GNAL: variants seen among roughly 807,000 people sequenced by gnomAD.
GNAL encodes the protein guanine nucleotide-binding protein G(olf) subunit alpha.
Under a neutral mutation model 55.1 loss-of-function variants are expected in GNAL, and 18 were observed. The observed-to-expected ratio is 0.33, with a 90% CI of 0.23 to 0.48. GNAL has a LOEUF of 0.48. GNAL is among the 20% of genes least tolerant of loss of function. GNAL has a pLI of 0.99. For synonymous variants in GNAL, 253 were observed against 237.0 expected (o/e 1.07, Z -0.62); for missense variants, 412 against 614.1 (o/e 0.67, Z 3.48).
At position 11,764,375 on chromosome 18, in the gene GNAL, G is replaced by A. The variant is rs534623473; in HGVS notation, c.624+10430G>A. Among the ~76,000 whole-genome samples the A allele has an allele frequency of 3.3e-5, 5 of 152,220 alleles. No homozygotes were observed. The East Asian group carries it at 9.7e-4, about 29-fold the overall frequency. ...GCCCACCTTGACCTCCCAAGGTGTTGGGATTACAGGCGTGAGCCACCATGC... is the reference window on the plus strand; with the variant it reads ...GCCCACCTTGACCTCCCAAGGTGTTAGGATTACAGGCGTGAGCCACCATGC... On this transcript the variant is annotated intron_variant, in intron 4 of 11. Transcript: ENST00000334049.
rs62097398 is a variant in GNAL at position 11,882,366 on chromosome 18, G to C, written c.*1231G>C. On this transcript the variant is annotated 3_prime_UTR_variant, in exon 12 of 12. Transcript: ENST00000334049. ...AGTCAAAACTTTGGACACAGGCTAC[G>C]TCATACAAGTAAGCAAACAGTAAGA... The C allele has an allele frequency of 1.3e-5, 2 of 152,132 alleles. No homozygotes were observed. Among genetic ancestry groups the C allele is most frequent in the African/African-American group, 4.8e-5 (2 of 41,426 alleles). 9.4% of individuals were successfully genotyped at this position (152,132 alleles called of 1,614,324 possible). A position where few individuals can be genotyped will look rare whatever the true frequency, so the allele number is the denominator to read the frequency against.
In GNAL at chr18:11,777,674, A is replaced by G. The variant is rs188764502; in HGVS notation, c.624+23729A>G. On this transcript the variant is annotated intron_variant, in intron 4 of 11. Coordinates refer to ENST00000334049, the MANE Select transcript of GNAL (RefSeq NM_182978.4). ...TGCCTTTCTTCATGCTCTTCTTAGC[A>G]AGTTGTTTAGTCAAAATCAAGTAGG... 2.0e-5 allele frequency among the ~76,000 whole-genome samples: 3 copies of G among 152,314 alleles called. No individual in the cohort carries two copies. In the East Asian group the frequency reaches 5.8e-4, roughly 29 times the overall value.
intron 5 of GNAL, chr18:11,857,550 G>T: frequency 1.0e-6 from 1 of 985,390 alleles, no homozygotes. Context: ...GAGAAATGAT[G>T]GTTCAGGCAG....
chr18:11,791,833 AG>A (rs1195453024), intron 4 of GNAL, among the ~76,000 whole-genome samples: 1 of 152,132 alleles, frequency 6.6e-6, no homozygotes, highest in Non-Finnish European at 1.5e-5. Flanking sequence ...GCAGTGATCC[AG>A]GTGTGCCGAG....
At chr18:11,707,638 G>C (rs2031744116) in intron 1 of GNAL, among the ~76,000 whole-genome samples, 1 of 152,194 alleles carries the variant, frequency 6.6e-6, no homozygotes, top group Non-Finnish European at 1.5e-5. Flanking sequence ...CACCTAACAA[G>C]AAGTCAGCCT....
intron 4 of GNAL, among the ~76,000 whole-genome samples, chr18:11,779,243 A>G (rs566447850): frequency 6.6e-6 from 1 of 152,340 alleles, no homozygotes; most frequent in South Asian, 2.1e-4. Flanking sequence ...GCATTCTCGT[A>G]TACCAAATCT....
intron 4 of GNAL, among the ~76,000 whole-genome samples, chr18:11,786,447 T>C (rs1296679077): frequency 1.7e-5 from 2 of 114,986 alleles, no homozygotes; most frequent in African/African-American, 6.7e-5. Flanking sequence ...TTTTTTTTTT[T>C]TTTTTTTTTT....
chr18:11,830,829 A>T (rs1312312095), intron 5 of GNAL, among the ~76,000 whole-genome samples: 1 of 152,240 alleles, frequency 6.6e-6, no homozygotes, highest in Non-Finnish European at 1.5e-5. Flanking sequence ...ATACTACAAC[A>T]TGGATGAACC....
At chr18:11,701,119 G>A (rs567642076) in intron 1 of GNAL, among the ~76,000 whole-genome samples, 1 of 152,164 alleles carries the variant, frequency 6.6e-6, no homozygotes, top group African/African-American at 2.4e-5. Context: ...ATACCAGTCC[G>A]AGCCTGCACG....
In GNAL at chr18:11,826,866, G is replaced by A. The variant is rs148274623; in HGVS notation, c.722+1851G>A. On this transcript the variant is annotated intron_variant, in intron 5 of 11. Transcript: ENST00000334049. Reference sequence around the variant, plus strand: ...CTCGGAAGAGAGGCAGATGGCCCCAGTGTACCGGTCATCAGCTACTGATGG... The same window carrying A: ...CTCGGAAGAGAGGCAGATGGCCCCAATGTACCGGTCATCAGCTACTGATGG... Among the ~76,000 whole-genome samples the A allele has an allele frequency of 2.1e-3, 324 of 152,314 alleles. 1 individual carries two copies. Among genetic ancestry groups the A allele is most frequent in the South Asian group, 4.4e-3 (21 of 4,826 alleles).
chr18:11,724,966 A>AC (rs2143417154), intron 1 of GNAL, among the ~76,000 whole-genome samples: 1 of 152,292 alleles, frequency 6.6e-6, no homozygotes, highest in South Asian at 2.1e-4. Flanking sequence ...TCTGCCTCTG[A>AC]CACCTCGAGC....
chr18:11,752,780 A>G lies in GNAL; in HGVS notation c.377-73A>G. Reference sequence around the variant, plus strand: ...CCGTGCTGGGGGAGGAGGATTGCTCAGACCCGGCTAGTGGTGAGAGATGGC... The same window carrying G: ...CCGTGCTGGGGGAGGAGGATTGCTCGGACCCGGCTAGTGGTGAGAGATGGC... On this transcript the variant is annotated intron_variant, in intron 1 of 11. Coordinates refer to ENST00000334049, the MANE Select transcript of GNAL (RefSeq NM_182978.4). The surrounding 1 kb of genome is among the most constrained non-coding windows in gnomAD (Gnocchi z 4.5). 2 of 1,217,384 alleles carry G rather than the reference A, an allele frequency of 1.6e-6. No homozygotes were observed. Among genetic ancestry groups the G allele is most frequent in the African/African-American group, 1.5e-5 (1 of 67,330 alleles). The allele number at this position is 1,217,384 out of a possible 1,614,324, so 75.4% of individuals were successfully genotyped here.
intron 1 of GNAL, among the ~76,000 whole-genome samples, chr18:11,713,297 A>G (rs1278807542): frequency 6.6e-6 from 1 of 152,246 alleles, no homozygotes; most frequent in African/African-American, 2.4e-5. Context: ...GGAAAAAGGA[A>G]AGGCTTCAGA....
intron 1 of GNAL, among the ~76,000 whole-genome samples, chr18:11,717,098 G>A (rs374612891): frequency 7.9e-5 from 12 of 152,256 alleles, no homozygotes; most frequent in South Asian, 6.2e-4. Flanking sequence ...CACGCGGGAA[G>A]GCAGCTAAGG....
chr18:11,859,736 A>T (rs1301240098), intron 5 of GNAL, among the ~76,000 whole-genome samples: 1 of 151,732 alleles, frequency 6.6e-6, no homozygotes, highest in Non-Finnish European at 1.5e-5. Flanking sequence ...CAGAGCCAGG[A>T]GCAGTTGACA....
chr18:11,755,990 T>G (rs186438425), intron 4 of GNAL, among the ~76,000 whole-genome samples: 1 of 152,384 alleles, frequency 6.6e-6, no homozygotes, highest in East Asian at 1.9e-4. Flanking sequence ...GGATTTATCC[T>G]ATCATGTTTG....
At chr18:11,838,746 C>G (rs2035550018) in intron 5 of GNAL, among the ~76,000 whole-genome samples, 5 of 152,132 alleles carry the variant, frequency 3.3e-5, no homozygotes, top group Admixed American at 3.3e-4. Flanking sequence ...CATAGCATTT[C>G]AGATTGTTCA....
At position 11,752,380 on chromosome 18, in the gene GNAL, T is replaced by A; in HGVS notation, c.377-473T>A. 6.4e-7 allele frequency: 1 copy of A among 1,571,478 alleles called. No individual in the cohort carries two copies. The highest frequency in any genetic ancestry group is 8.6e-7 in the Non-Finnish European group (1 of 1,163,172). ...GGAGCCGCACACGTCTCCAACTCTC[T>A]ATTGCTTTTTGCGCACATTCCTAAC... On this transcript the variant is annotated intron_variant, in intron 1 of 11. Coordinates refer to ENST00000334049, the MANE Select transcript of GNAL (RefSeq NM_182978.4). This position sits in a 1 kb window ranked among gnomAD's most constrained non-coding sequence, Gnocchi z 4.5.
intron 4 of GNAL, among the ~76,000 whole-genome samples, chr18:11,782,091 C>T (rs1006904006): frequency 1.1e-4 from 16 of 152,208 alleles, no homozygotes; most frequent in Middle Eastern, 6.8e-3. Flanking sequence ...TCGACATGGG[C>T]GGATCACTTG....
Sources: allele counts gnomAD v4.1 joint callset (sites outside exome capture counted in the v4.1 genomes callset), GRCh38; gene constraint gnomAD v4.1.1; non-coding constraint Gnocchi (gnomAD v3.1); transcripts MANE v1.5; gene names NCBI Gene and HGNC (gene_info 2026-07-23, HGNC 2026-07-21).